PEX5L: variants seen among roughly 807,000 people sequenced by gnomAD.
PEX5L encodes the protein PEX5-related protein.
Under a neutral mutation model 84.0 loss-of-function variants are expected in PEX5L, and 30 were observed. The observed-to-expected ratio is 0.36, with a 90% confidence interval of 0.27 to 0.48. PEX5L has a LOEUF of 0.48. PEX5L is among the 20% of genes least tolerant of loss of function. The pLI is 0.99. For missense variants in PEX5L, 533 were observed against 754.6 expected, an observed-to-expected ratio of 0.71 and a Z score of 3.44; for synonymous variants, 270 against 283.1, an observed-to-expected ratio of 0.95 and a Z score of 0.46.
intron 2 of PEX5L, among the ~76,000 whole-genome samples, chr3:179,946,079 T>C (rs1045552140): frequency 6.6e-6 from 1 of 152,098 alleles, no homozygotes; most frequent in African/African-American, 2.4e-5. Context: ...CCACTGTCCT[T>C]ACCTCTCTTC....
intron 1 of PEX5L, among the ~76,000 whole-genome samples, chr3:180,008,071 A>C (rs569718280): frequency 6.6e-6 from 1 of 152,276 alleles, no homozygotes; most frequent in African/African-American, 2.4e-5. Flanking sequence ...TCAGGCAGCA[A>C]ATTTTCCAAA....
intron 2 of PEX5L, among the ~76,000 whole-genome samples, chr3:179,959,879 G>A (rs2110084948): frequency 6.6e-6 from 1 of 152,228 alleles, no homozygotes; most frequent in South Asian, 2.1e-4. Flanking sequence ...ACTATAGCAG[G>A]TATTACTGTA....
At chr3:179,841,204 T>TAA (rs1481801166) in intron 8 of PEX5L, among the ~76,000 whole-genome samples, 92 of 152,292 alleles carry the variant, frequency 6.0e-4, no homozygotes, top group Non-Finnish European at 1.0e-3. Context: ...CTCCTCTGCC[T>TAA]GCTTCTTCAG....
rs1791938151 is a variant in PEX5L, at chr3:180,036,690, C to T, written c.-91G>A. 2 of 1,449,260 alleles carry T rather than the reference C, an allele frequency of 1.4e-6. No homozygotes were observed. Among genetic ancestry groups the T allele is most frequent in the African/African-American group, 1.4e-5 (1 of 71,730 alleles). 89.8% of individuals were successfully genotyped at this position (1,449,260 alleles called of 1,614,324 possible). ...ACCAAAAGAGGGGAAAAGGTGGGTG[C>T]ACAGCGGGTTCTCAGAGGGTGCTCC... On this transcript the variant is annotated 5_prime_UTR_variant, in exon 1 of 15. Transcript: ENST00000467460.
At chr3:179,954,666 A>G (rs972004534) in intron 2 of PEX5L, among the ~76,000 whole-genome samples, 6 of 152,090 alleles carry the variant, frequency 3.9e-5, no homozygotes, top group Non-Finnish European at 8.8e-5. Context: ...TGGGAAGGTG[A>G]TTGACAGAGG....
At chr3:179,957,157 A>AC (rs11418354) in intron 2 of PEX5L, among the ~76,000 whole-genome samples, 135,057 of 152,190 alleles carry the variant, frequency 0.89, 60,111 homozygotes, top group South Asian at 0.97. Flanking sequence ...CTGCGACTAT[A>AC]AAAAAATTAA....
At chr3:179,916,578 A>G (rs1486304146) in intron 2 of PEX5L, among the ~76,000 whole-genome samples, 1 of 152,206 alleles carries the variant, frequency 6.6e-6, no homozygotes, top group Non-Finnish European at 1.5e-5. Context: ...CTTAGGCTGC[A>G]CTAAATTTAT....
At chr3:180,007,795 G>T (rs918513495) in intron 1 of PEX5L, among the ~76,000 whole-genome samples, 1 of 152,182 alleles carries the variant, frequency 6.6e-6, no homozygotes, top group Non-Finnish European at 1.5e-5. Flanking sequence ...TCTTCCAGCC[G>T]TGGCCGGAGT....
intron 8 of PEX5L, among the ~76,000 whole-genome samples, chr3:179,855,382 T>C (rs1190075406): frequency 6.6e-6 from 1 of 152,216 alleles, no homozygotes; most frequent in African/African-American, 2.4e-5. Flanking sequence ...ATTCTTTGTC[T>C]TGAAATAAAG....
intron 4 of PEX5L, among the ~76,000 whole-genome samples, chr3:179,881,975 T>C (rs529517592): frequency 3.3e-5 from 5 of 152,142 alleles, no homozygotes; most frequent in South Asian, 4.1e-4. Context: ...ATGTCTAAAA[T>C]GTAAGCATGG....
chr3:179,950,209 A>G (rs908897402), intron 2 of PEX5L, among the ~76,000 whole-genome samples: 1 of 152,118 alleles, frequency 6.6e-6, no homozygotes, highest in Non-Finnish European at 1.5e-5. Flanking sequence ...TCTTATAGTC[A>G]CACTTGCTAG....
At chr3:179,968,733 C>CGTGTGTCTG in intron 2 of PEX5L, among the ~76,000 whole-genome samples, 1 of 144,308 alleles carries the variant, frequency 6.9e-6, no homozygotes, top group African/African-American at 2.7e-5. Context: ...CTGTGTGTGT[C>CGTGTGTCTG]TGTGTGTCTG....
At chr3:179,818,815 A>G (rs1727261888) in intron 9 of PEX5L, among the ~76,000 whole-genome samples, 1 of 150,270 alleles carries the variant, frequency 6.7e-6, no homozygotes, top group African/African-American at 2.4e-5. Context: ...ATGGTACTCC[A>G]TTGTATATAT....
chr3:179,908,542 A>G (rs1397533948), intron 2 of PEX5L, among the ~76,000 whole-genome samples: 1 of 152,184 alleles, frequency 6.6e-6, no homozygotes, highest in Non-Finnish European at 1.5e-5. Context: ...ATATGTATAC[A>G]TGTGCCATGT....
intron 7 of PEX5L, among the ~76,000 whole-genome samples, chr3:179,866,817 G>A (rs1024274525): frequency 3.3e-5 from 5 of 151,854 alleles, no homozygotes; most frequent in African/African-American, 1.2e-4. Context: ...CCGAGCTCGG[G>A]AGTTTGAAAC....
At chr3:179,809,366 C>A in intron 12 of PEX5L, 105 bp downstream of exon 12, 1 of 817,034 alleles carries the variant, frequency 1.2e-6, no homozygotes, top group Non-Finnish European at 2.1e-6. Flanking sequence ...GCAAACCATT[C>A]TGGAGTGGGT....
chr3:179,933,750 A>G (rs191131844), intron 2 of PEX5L, among the ~76,000 whole-genome samples: 1 of 152,330 alleles, frequency 6.6e-6, no homozygotes, highest in African/African-American at 2.4e-5. Context: ...TTTCACTTTA[A>G]ATTAAAATTT....
intron 8 of PEX5L, among the ~76,000 whole-genome samples, chr3:179,839,416 A>G (rs1736194719): frequency 6.6e-6 from 1 of 152,250 alleles, no homozygotes; most frequent in African/African-American, 2.4e-5. Context: ...AGGCTTTTAC[A>G]GATGTAACTG....
chr3:179,844,539 C>T (rs1738525317), intron 8 of PEX5L, among the ~76,000 whole-genome samples: 2 of 152,178 alleles, frequency 1.3e-5, no homozygotes, highest in South Asian at 4.1e-4. Context: ...ACTTCAAATG[C>T]ATCTTTCAGC....
Sources: gnomAD v4.1 joint callset for allele counts (sites outside exome capture counted in the v4.1 genomes callset) on GRCh38, gnomAD v4.1.1 for gene constraint, MANE v1.5 for transcripts, NCBI Gene and HGNC (gene_info 2026-07-23, HGNC 2026-07-21) for gene names.